Variants in LRP1B observed in about 807,000 individuals in gnomAD.
LRP1B encodes low-density lipoprotein receptor-related protein 1B.
In LRP1B, 217 loss-of-function variants were observed where a neutral mutation model predicts 556.6. That is an observed-to-expected ratio of 0.39 (90% confidence interval 0.35 to 0.44). LRP1B has a LOEUF of 0.44. Among genes scored for constraint, LRP1B ranks in the 20% least tolerant of loss-of-function variants. The pLI, the probability that LRP1B is intolerant of heterozygous loss-of-function variation, is 1.00. For synonymous variants in LRP1B, 2,047 were observed against 1,865.8 expected (o/e 1.10, Z -2.50); for missense variants, 5,053 against 5,620.8 (o/e 0.90, Z 3.23).
chr2:140,303,066 C>G (rs1164411999), intron 83 of LRP1B, among the ~76,000 whole-genome samples: 1 of 143,226 alleles, frequency 7.0e-6, no homozygotes, highest in African/African-American at 2.6e-5. Context: ...CATACACACA[C>G]ACATATATAT....
chr2:142,088,248 A>T (rs1706019005), intron 1 of LRP1B, among the ~76,000 whole-genome samples: 1 of 152,166 alleles, frequency 6.6e-6, no homozygotes, highest in Non-Finnish European at 1.5e-5. Context: ...TCCCTCCATT[A>T]ACTATGATTC....
intron 2 of LRP1B, among the ~76,000 whole-genome samples, chr2:141,530,739 T>A (rs1409340104): frequency 6.6e-6 from 1 of 151,888 alleles, no homozygotes; most frequent in Admixed American, 6.6e-5. Context: ...GCCCAAAAGA[T>A]GGGTGGTGTC....
chr2:141,019,555 C>T (rs1320026261), intron 12 of LRP1B, among the ~76,000 whole-genome samples: 1 of 151,880 alleles, frequency 6.6e-6, no homozygotes, highest in East Asian at 1.9e-4. Flanking sequence ...AAAACTTTTG[C>T]TATTTTTTTG....
intron 2 of LRP1B, among the ~76,000 whole-genome samples, chr2:141,565,907 A>T (rs1686313149): frequency 6.7e-6 from 1 of 149,852 alleles, no homozygotes; most frequent in South Asian, 2.1e-4. Context: ...ATTGAGCACC[A>T]TTTTTTTTTG....
intron 2 of LRP1B, among the ~76,000 whole-genome samples, chr2:141,588,196 C>A (rs896108662): frequency 1.3e-5 from 2 of 151,928 alleles, no homozygotes; most frequent in African/African-American, 4.8e-5. Context: ...TCTCAAGGAA[C>A]AAAGTTGTTA....
At chr2:142,048,127 C>T (rs1704323295) in intron 1 of LRP1B, among the ~76,000 whole-genome samples, 2 of 152,140 alleles carry the variant, frequency 1.3e-5, no homozygotes, top group African/African-American at 4.8e-5. Flanking sequence ...TCCAGATTTG[C>T]TGAAGCACCT....
At chr2:140,462,272 C>G (rs1313770281) in intron 60 of LRP1B, among the ~76,000 whole-genome samples, 1 of 152,192 alleles carries the variant, frequency 6.6e-6, no homozygotes, top group Non-Finnish European at 1.5e-5. Flanking sequence ...AACTTGTCAC[C>G]TTATTTTTAA....
At position 141,224,388 on chromosome 2, in the gene LRP1B, T is replaced by C. The variant is rs562575642; in HGVS notation, c.850+4795A>G. Among the ~76,000 whole-genome samples, 8 of 152,228 alleles carry C rather than the reference T, an allele frequency of 5.3e-5. No individual in the cohort carries two copies. The East Asian group carries it at 1.2e-3, about 22-fold the overall frequency. ...GAATGCTTTTACATGTTAGTGGAAA[T>C]GTAAATTAGTTCAACCATTGTGAAA... On this transcript the variant is annotated intron_variant, in intron 6 of 90. Coordinates refer to ENST00000389484, the MANE Select transcript of LRP1B (RefSeq NM_018557.3).
chr2:140,907,614 T>A (rs1694294213), intron 22 of LRP1B, among the ~76,000 whole-genome samples: 1 of 152,100 alleles, frequency 6.6e-6, no homozygotes, highest in Non-Finnish European at 1.5e-5. Context: ...CATCCAGAGA[T>A]CTAAATGATG....
chr2:141,685,221 C>T (rs1266190247), intron 2 of LRP1B, among the ~76,000 whole-genome samples: 1 of 152,008 alleles, frequency 6.6e-6, no homozygotes, highest in Non-Finnish European at 1.5e-5. Flanking sequence ...TTTCTAGTTT[C>T]ATCAGTCTAC....
intron 1 of LRP1B, among the ~76,000 whole-genome samples, chr2:142,050,351 T>C (rs1373778224): frequency 6.6e-6 from 1 of 152,152 alleles, no homozygotes; most frequent in African/African-American, 2.4e-5. Flanking sequence ...CTAATCTAGT[T>C]ATACAATCTT....
At chr2:141,586,952 G>GAAAAAA in intron 2 of LRP1B, among the ~76,000 whole-genome samples, 1 of 96,900 alleles carries the variant, frequency 1.0e-5, no homozygotes, top group Non-Finnish European at 2.2e-5. Context: ...AAAAAAAAAA[G>GAAAAAA]AAAAAAAAAA....
At chr2:141,282,399 A>G (rs1685541844) in intron 3 of LRP1B, among the ~76,000 whole-genome samples, 1 of 151,816 alleles carries the variant, frequency 6.6e-6, no homozygotes, top group South Asian at 2.1e-4. Flanking sequence ...TTTTAAAAAA[A>G]TCAATTATGA....
At chr2:141,575,339 C>T (rs908955673) in intron 2 of LRP1B, among the ~76,000 whole-genome samples, 8 of 151,962 alleles carry the variant, frequency 5.3e-5, no homozygotes, top group Non-Finnish European at 8.8e-5. Context: ...TCGACAAACC[C>T]GACAAAAACA....
intron 10 of LRP1B, among the ~76,000 whole-genome samples, chr2:141,050,403 C>T (rs1032245393): frequency 7.2e-5 from 11 of 151,876 alleles, no homozygotes; most frequent in African/African-American, 2.7e-4. Flanking sequence ...AGATAGCATA[C>T]ATGCACCATG....
chr2:140,765,747 T>G (rs1274996760), intron 35 of LRP1B, among the ~76,000 whole-genome samples: 1 of 152,174 alleles, frequency 6.6e-6, no homozygotes, highest in Non-Finnish European at 1.5e-5. Context: ...TCAGATCTGT[T>G]AATTCTTATG....
rs1257264590 is a variant in LRP1B at position 141,015,858 on chromosome 2, A to T, written c.2028T>A (p.Ile676=). The change falls in exon 13 of 91, where the codon ATT becomes ATA. Residue 676 remains isoleucine, a synonymous_variant. Coordinates refer to ENST00000389484, the MANE Select transcript of LRP1B (RefSeq NM_018557.3). ...EDEIDDSVGR[I]EKAWMDGFNR... ...TGAATCCATCCATCCAGGCCTTCTC[A>T]ATCCTTCCCACGCTGTCATCTATTT... 1 of 1,613,494 alleles carries T rather than the reference A, an allele frequency of 6.2e-7. No individual in the cohort carries two copies. Among genetic ancestry groups the T allele is most frequent in the Non-Finnish European group, 8.5e-7 (1 of 1,179,668 alleles).
chr2:141,295,933 T>C (rs1255929355), intron 3 of LRP1B, among the ~76,000 whole-genome samples: 1 of 152,192 alleles, frequency 6.6e-6, no homozygotes, highest in Non-Finnish European at 1.5e-5. Flanking sequence ...CCTGAGTCTG[T>C]AGTCTCGGTT....
At position 141,005,369 on chromosome 2, in the gene LRP1B, A is replaced by G; in HGVS notation, c.2469T>C (p.Asn823=). 1 of 1,610,322 alleles carries G rather than the reference A, an allele frequency of 6.2e-7. No individual in the cohort carries two copies. Among genetic ancestry groups the G allele is most frequent in the African/African-American group, 1.3e-5 (1 of 74,856 alleles). ...PGGRVCACAD[N]QLLDENGTTC... is the part of the protein sequence containing the mutation. Reference sequence around the variant, plus strand: ...TTGTCCCATTTTCATCCAAAAGTTGATTATCGGCACAAGCACACACCCGGC... The same window carrying G: ...TTGTCCCATTTTCATCCAAAAGTTGGTTATCGGCACAAGCACACACCCGGC... The change falls in exon 15 of 91, where the codon AAT becomes AAC. Residue 823 remains asparagine, a synonymous_variant. Coordinates refer to ENST00000389484, the MANE Select transcript of LRP1B (RefSeq NM_018557.3).
Sources: allele counts gnomAD v4.1 joint callset (sites outside exome capture counted in the v4.1 genomes callset), GRCh38; gene constraint gnomAD v4.1.1; transcripts MANE v1.5; gene names NCBI Gene and HGNC (gene_info 2026-07-23, HGNC 2026-07-21).